The following NUBPL variants were observed in gnomAD, a reference collection of about 807,000 sequenced individuals.
NUBPL encodes the protein iron-sulfur cluster transfer protein NUBPL.
NUBPL carries 31 observed loss-of-function variants against 45.7 expected under a neutral mutation model. The ratio of observed to expected loss-of-function variants is 0.68; its 90% CI spans 0.51 to 0.92. NUBPL has a LOEUF of 0.92. NUBPL is among the 40% of genes least tolerant of loss of function. The pLI is 0.00. For missense variants in NUBPL, 401 were observed against 398.7 expected (o/e 1.01, Z -0.05); for synonymous variants, 144 against 140.9 (o/e 1.02, Z -0.15).
At chr14:31,813,997 G>A (rs187723105) in intron 7 of NUBPL, among the ~76,000 whole-genome samples, 3 of 152,300 alleles carry the variant, frequency 2.0e-5, no homozygotes, top group South Asian at 2.1e-4. Flanking sequence ...ATAAGCATAC[G>A]TGTGCATGTG....
intron 3 of NUBPL, among the ~76,000 whole-genome samples, chr14:31,568,183 G>A (rs1467893871): frequency 1.3e-5 from 2 of 152,218 alleles, no homozygotes; most frequent in East Asian, 3.9e-4. Context: ...GGAAGGAAAC[G>A]GAAAATTCAA....
intron 3 of NUBPL, among the ~76,000 whole-genome samples, chr14:31,596,488 C>CG (rs143232571): frequency 0.3 from 45,994 of 151,856 alleles, 7,660 homozygotes; most frequent in South Asian, 0.41. Flanking sequence ...CAAATCCTGC[C>CG]GTTTTTTGTG....
At chr14:31,629,203 C>T (rs2035281840) in intron 4 of NUBPL, among the ~76,000 whole-genome samples, 1 of 152,096 alleles carries the variant, frequency 6.6e-6, no homozygotes, top group Non-Finnish European at 1.5e-5. Context: ...AATCAAAAGT[C>T]AGAATTCTTG....
At chr14:31,582,492 G>A (rs1039744504) in intron 3 of NUBPL, among the ~76,000 whole-genome samples, 2 of 151,632 alleles carry the variant, frequency 1.3e-5, no homozygotes, top group Non-Finnish European at 2.9e-5. Flanking sequence ...CCACTCTTGT[G>A]GGGTGAAATG....
chr14:31,822,944 C>T (rs1054267069), intron 7 of NUBPL, among the ~76,000 whole-genome samples: 10 of 152,170 alleles, frequency 6.6e-5, no homozygotes, highest in African/African-American at 2.2e-4. Context: ...TTTAATATCC[C>T]TCTCTAGTAT....
At chr14:31,671,134 A>G (rs1360134198) in intron 4 of NUBPL, among the ~76,000 whole-genome samples, 1 of 151,964 alleles carries the variant, frequency 6.6e-6, no homozygotes, top group Non-Finnish European at 1.5e-5. Flanking sequence ...TATTTGTCTC[A>G]TCTCTGTGTT....
chr14:31,634,724 A>G (rs1425915041), intron 4 of NUBPL, among the ~76,000 whole-genome samples: 3 of 151,938 alleles, frequency 2.0e-5, no homozygotes, highest in South Asian at 2.1e-4. Context: ...AAGTGTTCCT[A>G]TTTCTCCACA....
chr14:31,806,034 T>C (rs2039679150), intron 7 of NUBPL, among the ~76,000 whole-genome samples: 2 of 152,202 alleles, frequency 1.3e-5, no homozygotes, highest in South Asian at 4.1e-4. Flanking sequence ...TAAAAACCAC[T>C]TTTAAATTCA....
intron 4 of NUBPL, among the ~76,000 whole-genome samples, chr14:31,629,767 G>C (rs1433216798): frequency 6.6e-6 from 1 of 152,126 alleles, no homozygotes; most frequent in Non-Finnish European, 1.5e-5. Flanking sequence ...GAGGTACAAA[G>C]AGAACATGTC....
chr14:31,700,685 C>T (rs981974158), intron 6 of NUBPL, among the ~76,000 whole-genome samples: 1 of 152,174 alleles, frequency 6.6e-6, no homozygotes, highest in Non-Finnish European at 1.5e-5. Context: ...GGCTTAGCAC[C>T]TGGGCCAGCA....
chr14:31,732,863 C>T (rs976076351), intron 6 of NUBPL, among the ~76,000 whole-genome samples: 2 of 152,028 alleles, frequency 1.3e-5, no homozygotes, highest in East Asian at 1.9e-4. Flanking sequence ...CTGCCCACCT[C>T]GGCCTCCCAA....
At chr14:31,624,754 A>G in intron 4 of NUBPL, among the ~76,000 whole-genome samples, 1 of 152,080 alleles carries the variant, frequency 6.6e-6, no homozygotes, top group African/African-American at 2.4e-5. Flanking sequence ...TAGTAGAGAC[A>G]GAGTTTCATC....
intron 4 of NUBPL, among the ~76,000 whole-genome samples, chr14:31,603,085 G>C (rs971896889): frequency 2.0e-5 from 3 of 152,020 alleles, no homozygotes; most frequent in Admixed American, 6.6e-5. Context: ...ACTGAGGTGG[G>C]AGGACAGCTT....
At chr14:31,848,067 A>G (rs2040480929) in intron 9 of NUBPL, among the ~76,000 whole-genome samples, 1 of 152,254 alleles carries the variant, frequency 6.6e-6, no homozygotes, top group Non-Finnish European at 1.5e-5. Flanking sequence ...CATTTCATTG[A>G]GAAACAATGG....
chr14:31,830,126 A>G (rs2040166416), intron 8 of NUBPL, among the ~76,000 whole-genome samples: 1 of 152,202 alleles, frequency 6.6e-6, no homozygotes, highest in Non-Finnish European at 1.5e-5. Context: ...TGCTACTGAA[A>G]AGTAAATTAA....
intron 7 of NUBPL, among the ~76,000 whole-genome samples, chr14:31,802,366 C>T (rs1441669695): frequency 6.6e-6 from 1 of 152,038 alleles, no homozygotes; most frequent in Non-Finnish European, 1.5e-5. Flanking sequence ...GTCTCTGCCT[C>T]CTGGGTTCAA....
At chr14:31,755,909 G>C (rs10444697) in intron 6 of NUBPL, among the ~76,000 whole-genome samples, 66,790 of 149,108 alleles carry the variant, frequency 0.45, 16,029 homozygotes, top group African/African-American at 0.63. Context: ...TTTCAGCTTT[G>C]TACATATGGC....
chr14:31,776,246 T>C (rs2039095833), intron 6 of NUBPL, among the ~76,000 whole-genome samples: 1 of 152,192 alleles, frequency 6.6e-6, no homozygotes, highest in African/African-American at 2.4e-5. Context: ...TAGTAAAATA[T>C]AATTTATACA....
chr14:31,819,953 A>G (rs927681885), intron 7 of NUBPL, among the ~76,000 whole-genome samples: 2 of 152,074 alleles, frequency 1.3e-5, no homozygotes. Flanking sequence ...ATCCTGGCTA[A>G]CACGGTGAAA....
Sources: gnomAD v4.1 joint callset for allele counts (sites outside exome capture counted in the v4.1 genomes callset) on GRCh38, gnomAD v4.1.1 for gene constraint, MANE v1.5 for transcripts, NCBI Gene and HGNC (gene_info 2026-07-23, HGNC 2026-07-21) for gene names.